Variants in MAEA observed in about 807,000 individuals in gnomAD.
The protein encoded by MAEA is E3 ubiquitin-protein transferase MAEA.
In MAEA, 22 loss-of-function variants were observed where a neutral mutation model predicts 46.2. That is an observed-to-expected ratio of 0.48 (90% confidence interval 0.34 to 0.68). The LOEUF is 0.68. Among genes scored for constraint, MAEA ranks in the 30% least tolerant of loss-of-function variants. The pLI is 0.01. For missense variants in MAEA, 393 were observed against 558.1 expected, an observed-to-expected ratio of 0.70 and a Z score of 2.98; for synonymous variants, 246 against 222.6, an observed-to-expected ratio of 1.11 and a Z score of -0.94.
chr4:1,308,662 G>A (rs1239660120), intron 1 of MAEA, among the ~76,000 whole-genome samples: 3 of 152,270 alleles, frequency 2.0e-5, no homozygotes, highest in African/African-American at 7.2e-5. Flanking sequence ...CTGAGCAGTG[G>A]TTGGTCGTGT....
intron 4 of MAEA, chr4:1,323,623 G>A (rs1021995609): frequency 8.5e-6 from 6 of 702,380 alleles, no homozygotes; most frequent in African/African-American, 1.7e-5. Context: ...GTAACCTGCG[G>A]CCCCACTACA....
Position 1,328,712 on chromosome 4 carries a change from C to A in MAEA, c.656+1009C>A, listed in dbSNP as rs970861918. The A allele has an allele frequency of 7.9e-6, 10 of 1,265,618 alleles. No individual in the cohort carries two copies. The African/African-American group carries it at 1.4e-4, about 18-fold the overall frequency. 78.4% of individuals were successfully genotyped at this position (1,265,618 alleles called of 1,614,324 possible). A position where few individuals can be genotyped will look rare whatever the true frequency, so the allele number is the denominator to read the frequency against. ...TCACGATGAGGTGCTGAGGGTGGTCCCCAAGACGCACGGCAGAACCGCGGC... is the reference window on the plus strand; with the variant it reads ...TCACGATGAGGTGCTGAGGGTGGTCACCAAGACGCACGGCAGAACCGCGGC... On this transcript the variant is annotated intron_variant, in intron 5 of 8. Transcript: ENST00000303400.
In MAEA at chr4:1,306,471, C is replaced by T. The variant is rs868691789; in HGVS notation, c.70-5508C>T. ...CGGAGGTTGCAGTGAGCCGAGATCACGCTATTGCACTCCAGCCTGGGTGAT... is the reference window on the plus strand; with the variant it reads ...CGGAGGTTGCAGTGAGCCGAGATCATGCTATTGCACTCCAGCCTGGGTGAT... On this transcript the variant is annotated intron_variant, in intron 1 of 8. Transcript: ENST00000303400. Among the ~76,000 whole-genome samples, 12 of 152,090 alleles carry T rather than the reference C, an allele frequency of 7.9e-5. No individual in the cohort carries two copies. In the East Asian group the frequency reaches 1.3e-3, roughly 17 times the overall value.
At chr4:1,338,960 C>T (rs138896413) in intron 8 of MAEA, 114 bp from the exon 9 acceptor site, 31 of 900,430 alleles carry the variant, frequency 3.4e-5, no homozygotes, top group Middle Eastern at 2.2e-4. Flanking sequence ...CGGGAAGGAA[C>T]TTTGCCTGAG....
rs1560368750 is a variant in MAEA, at chr4:1,322,943, C to CCTTTTTTTTTTTTTTTTTTTTTT, written c.579+440_579+441insCTTTTTTTTTTTTTTTTTTTTTT. ...CTGTGATATTGTTAATGAATACCCACTTTTTTTTTTTTTTTTTTTTTTTTT... is the reference window on the plus strand; with the variant it reads ...CTGTGATATTGTTAATGAATACCCACCTTTTTTTTTTTTTTTTTTTTTTTTTTTTTTTTTTTTTTTTTTTTTTT... On this transcript the variant is annotated intron_variant, in intron 4 of 8. Transcript: ENST00000303400. 1.1e-4 allele frequency among the ~76,000 whole-genome samples: 8 copies of CCTTTTTTTTTTTTTTTTTTTTTT among 75,246 alleles called. 3 individuals carry two copies. Among genetic ancestry groups the CCTTTTTTTTTTTTTTTTTTTTTT allele is most frequent in the Non-Finnish European group, 1.4e-4 (6 of 41,994 alleles). The allele number at this position is 75,246 out of a possible 152,430, so 49.4% of individuals were successfully genotyped here. A position where few individuals can be genotyped will look rare whatever the true frequency, so the allele number is the denominator to read the frequency against.
chr4:1,310,531 G>A (rs74904458), intron 1 of MAEA, among the ~76,000 whole-genome samples: 131 of 152,330 alleles, frequency 8.6e-4, no homozygotes, highest in Non-Finnish European at 1.7e-3. Flanking sequence ...TTGGTTAAGC[G>A]TGTTGTGTCT....
chr4:1,296,983 G>C (rs1461992261), intron 1 of MAEA, among the ~76,000 whole-genome samples: 2 of 152,084 alleles, frequency 1.3e-5, no homozygotes, highest in African/African-American at 4.8e-5. Flanking sequence ...CCAAGCTCCT[G>C]TCCCCACACT....
At chr4:1,293,203 G>A (rs1734288731) in intron 1 of MAEA, among the ~76,000 whole-genome samples, 1 of 144,976 alleles carries the variant, frequency 6.9e-6, no homozygotes, top group African/African-American at 2.7e-5. Context: ...TCATTATTTT[G>A]TAAAAGGTTT....
At chr4:1,329,020 T>A in intron 5 of MAEA, 1 of 986,116 alleles carries the variant, frequency 1.0e-6, no homozygotes, top group African/African-American at 1.7e-5. Flanking sequence ...GGTGCCTGTG[T>A]CGCTGGCCTC....
intron 3 of MAEA, among the ~76,000 whole-genome samples, chr4:1,316,957 CTGCAGGCCCACCA>C (rs1737277153): frequency 4.7e-5 from 7 of 148,244 alleles, no homozygotes; most frequent in Non-Finnish European, 7.6e-5. Context: ...CCAGACTCAC[CTGCAGGCCCACCA>C]CGGCCCCACA....
chr4:1,301,980 A>G (rs1283810568), intron 1 of MAEA, among the ~76,000 whole-genome samples: 1 of 152,240 alleles, frequency 6.6e-6, no homozygotes, highest in Admixed American at 6.5e-5. Context: ...GAGGGATTAC[A>G]TCCCACCTCC....
chr4:1,327,781 G>C (rs1739036725), intron 5 of MAEA, 78 bp downstream of exon 5: 1 of 1,338,964 alleles, frequency 7.5e-7, no homozygotes. Context: ...TCCCTGTCGT[G>C]GTCTGGGTCC....
intron 4 of MAEA, among the ~76,000 whole-genome samples, chr4:1,326,056 G>A (rs920389985): frequency 2.0e-5 from 3 of 152,210 alleles, no homozygotes; most frequent in Non-Finnish European, 4.4e-5. Flanking sequence ...GCCCCCGGGG[G>A]TCTGGGCAGC....
chr4:1,328,594 G>A (rs1051799589), intron 5 of MAEA: 2 of 1,202,312 alleles, frequency 1.7e-6, no homozygotes, highest in Non-Finnish European at 2.1e-6. Context: ...ACCTGTCCAT[G>A]CCCACAGAAA....
At chr4:1,302,393 A>G (rs1383925592) in intron 1 of MAEA, among the ~76,000 whole-genome samples, 4 of 152,240 alleles carry the variant, frequency 2.6e-5, no homozygotes, top group Admixed American at 1.3e-4. Context: ...ACAGGGAGAA[A>G]ATGTTTGCCA....
Position 1,328,545 on chromosome 4 carries a change from C to T in MAEA, c.656+842C>T, listed in dbSNP as rs922217335. 2.6e-5 allele frequency: 27 copies of T among 1,057,270 alleles called. No individual in the cohort carries two copies. The East Asian group carries it at 2.8e-4, about 11-fold the overall frequency. 65.5% of individuals were successfully genotyped at this position (1,057,270 alleles called of 1,614,324 possible). A position where few individuals can be genotyped will look rare whatever the true frequency, so the allele number is the denominator to read the frequency against. On this transcript the variant is annotated intron_variant, in intron 5 of 8. Transcript: ENST00000303400. Reference sequence around the variant, plus strand: ...GTGGGCCTGGCTGGCCCTCAGCTCCCGGGCGAGTGCCCAGCAGGTGTGTTT... The same window carrying T: ...GTGGGCCTGGCTGGCCCTCAGCTCCTGGGCGAGTGCCCAGCAGGTGTGTTT...
In MAEA at chr4:1,335,159, G is replaced by A. The variant is rs541613855; in HGVS notation, c.766-1702G>A. 69 of 985,404 alleles carry A rather than the reference G, an allele frequency of 7.0e-5. No homozygotes were observed. The South Asian group carries it at 2.5e-3, about 36-fold the overall frequency. 61.0% of individuals were successfully genotyped at this position (985,404 alleles called of 1,614,324 possible). A position where few individuals can be genotyped will look rare whatever the true frequency, so the allele number is the denominator to read the frequency against. The stretch of plus-strand genomic sequence containing the variant: ...GTTATTTAGGGACAGACATTCATCA[G>A]GTTTAATTTTCTGTTCTGTGATGCT... On this transcript the variant is annotated intron_variant, in intron 6 of 8. Transcript: ENST00000303400.
chr4:1,320,538 AATC>A (rs1203659738), intron 3 of MAEA, among the ~76,000 whole-genome samples: 4 of 150,020 alleles, frequency 2.7e-5, no homozygotes, highest in South Asian at 4.2e-4. Flanking sequence ...TCAGAAAAGA[AATC>A]ATCAAAGCAA....
chr4:1,309,105 G>A (rs188344956), intron 1 of MAEA, among the ~76,000 whole-genome samples: 42 of 152,232 alleles, frequency 2.8e-4, no homozygotes, highest in African/African-American at 9.6e-4. Flanking sequence ...GCTGTTTCTT[G>A]TGTCTTACAT....
Sources: gnomAD v4.1 joint callset for allele counts (sites outside exome capture counted in the v4.1 genomes callset) on GRCh38, gnomAD v4.1.1 for gene constraint, MANE v1.5 for transcripts, NCBI Gene and HGNC (gene_info 2026-07-23, HGNC 2026-07-21) for gene names.